Variants in PUM2 observed in about 807,000 individuals in gnomAD.
The protein encoded by PUM2 is pumilio homolog 2.
PUM2 carries 57 observed loss-of-function variants against 124.5 expected under a neutral mutation model. That is an observed-to-expected ratio of 0.46 (90% CI 0.37 to 0.57). The LOEUF (loss-of-function observed/expected upper bound fraction) is 0.57, where lower values mean the gene tolerates loss of function less well. Among genes scored for constraint, PUM2 ranks in the 20% least tolerant of loss-of-function variants. The pLI, the probability that PUM2 is intolerant of heterozygous loss-of-function variation, is 0.00. For missense variants in PUM2, 1,065 were observed against 1,290.6 expected (o/e 0.83, Z 2.68); for synonymous variants, 460 against 446.1 (o/e 1.03, Z -0.39).
chr2:20,348,037 C>G (rs926582358), intron 1 of PUM2, among the ~76,000 whole-genome samples: 6 of 152,026 alleles, frequency 3.9e-5, no homozygotes, highest in Admixed American at 3.3e-4. Context: ...CTAAAAACAG[C>G]AAGGGTCTGG....
intron 3 of PUM2, among the ~76,000 whole-genome samples, chr2:20,317,136 G>A (rs1370165600): frequency 6.6e-6 from 1 of 151,968 alleles, no homozygotes; most frequent in African/African-American, 2.4e-5. Context: ...GCTTGAGACT[G>A]CAGCGAGCTA....
intron 7 of PUM2, among the ~76,000 whole-genome samples, chr2:20,305,650 T>C (rs1346687625): frequency 2.0e-5 from 3 of 152,044 alleles, no homozygotes; most frequent in African/African-American, 7.2e-5. Flanking sequence ...ATAATTATTA[T>C]ATACAAGTCT....
At chr2:20,308,102 A>T in intron 6 of PUM2, 31 bp from the exon 7 acceptor site, 1 of 1,580,730 alleles carries the variant, frequency 6.3e-7, no homozygotes, top group Non-Finnish European at 8.6e-7. Context: ...CACAAAGATT[A>T]GTGTCAAAAT....
rs1271958606 is a variant in PUM2, at chr2:20,250,169, A to T, written c.*1416T>A. On this transcript the variant is annotated 3_prime_UTR_variant, in exon 21 of 21. Coordinates refer to ENST00000361078, the MANE Select transcript of PUM2 (RefSeq NM_015317.5). ...CTATTATGCACAATACCCTGACTTC[A>T]ATTGAAAGTGATCCAAATTCTAGCA... 6.6e-6 allele frequency: 1 copy of T among 152,656 alleles called. No homozygotes were observed. Among genetic ancestry groups the T allele is most frequent in the African/African-American group, 2.4e-5 (1 of 41,468 alleles). The allele number at this position is 152,656 out of a possible 1,614,324, so 9.5% of individuals were successfully genotyped here.
intron 4 of PUM2, among the ~76,000 whole-genome samples, chr2:20,311,959 C>T (rs1679705550): frequency 1.3e-5 from 2 of 152,112 alleles, no homozygotes. Context: ...ACTTTCAGAT[C>T]AAGCACTACC....
Position 20,282,938 on chromosome 2 carries a change from C to CA in PUM2, c.1720+8dup. On this transcript the variant is annotated intron_variant, in intron 12 of 20. Transcript: ENST00000361078. ...TAGCAGAGTACACTCATCGTAAAAA[C>CA]AAACTTACCTGATGAACCAAATCCA... 6.2e-7 allele frequency: 1 copy of CA among 1,611,276 alleles called. No homozygotes were observed. Among genetic ancestry groups the CA allele is most frequent in the Non-Finnish European group, 8.5e-7 (1 of 1,178,892 alleles).
intron 1 of PUM2, among the ~76,000 whole-genome samples, chr2:20,339,164 G>C (rs896086628): frequency 6.6e-6 from 1 of 151,272 alleles, no homozygotes; most frequent in African/African-American, 2.4e-5. Context: ...AGCAAGACTA[G>C]ATTTTTCCTA....
In PUM2 at chr2:20,297,696, A is replaced by G; in HGVS notation, c.884-18T>C. ...TACACCAGCTATATTTTAAAAGGGG[A>G]GAAATAATAAACAACAATGTAAAGT... On this transcript the variant is annotated intron_variant, in intron 7 of 20. Coordinates refer to ENST00000361078, the MANE Select transcript of PUM2 (RefSeq NM_015317.5). The G allele has an allele frequency of 6.2e-7, 1 of 1,602,536 alleles. No homozygotes were observed. The highest frequency in any genetic ancestry group is 8.5e-7 in the Non-Finnish European group (1 of 1,173,862).
intron 7 of PUM2, 66 bp downstream of exon 7, chr2:20,307,912 G>A: frequency 2.6e-6 from 4 of 1,555,152 alleles, no homozygotes; most frequent in Middle Eastern, 1.7e-4. Context: ...ATCAGTAAAC[G>A]AAAAGTGAAA....
At chr2:20,351,163 T>G (rs1417750105), upstream of PUM2, among the ~76,000 whole-genome samples, 1 of 152,092 alleles carries the variant, frequency 6.6e-6, no homozygotes, top group Non-Finnish European at 1.5e-5. Flanking sequence ...GCCTTCTGAA[T>G]CTTCTTACCC....
chr2:20,284,904 G>A (rs1027354604), intron 10 of PUM2, among the ~76,000 whole-genome samples: 1 of 152,166 alleles, frequency 6.6e-6, no homozygotes, highest in African/African-American at 2.4e-5. Context: ...TTAGCACGCT[G>A]CTAATAAAAT....
chr2:20,326,304 CT>C, intron 2 of PUM2: 4 of 1,303,926 alleles, frequency 3.1e-6, no homozygotes, highest in Non-Finnish European at 4.0e-6. Context: ...TTGGAAAACG[CT>C]GTTCTGAAGA....
chr2:20,337,020 A>G lies in PUM2; in HGVS notation c.-18-9642T>C, dbSNP rs549701351. On this transcript the variant is annotated intron_variant, in intron 1 of 20. Coordinates refer to ENST00000361078, the MANE Select transcript of PUM2 (RefSeq NM_015317.5). ...TCATAATGTAATATGAAACAGTACC[A>G]CCACATATGAAGAACTGCCTTCAAA... Among the ~76,000 whole-genome samples the G allele has an allele frequency of 1.4e-4, 22 of 152,230 alleles. 3 individuals are homozygous for G. Among genetic ancestry groups the G allele is most frequent in the African/African-American group, 5.3e-4 (22 of 41,556 alleles).
intron 13 of PUM2, among the ~76,000 whole-genome samples, chr2:20,276,000 G>A (rs181579020): frequency 1.5e-4 from 23 of 151,988 alleles, no homozygotes; most frequent in Admixed American, 3.9e-4. Flanking sequence ...ATGATATACT[G>A]TAGTTATTGT....
At chr2:20,282,311 T>C (rs1355350552) in intron 12 of PUM2, among the ~76,000 whole-genome samples, 1 of 152,174 alleles carries the variant, frequency 6.6e-6, no homozygotes, top group African/African-American at 2.4e-5. Context: ...AAATTTTGAT[T>C]TGTTAAGTGT....
At chr2:20,288,062 G>C (rs1204864115) in intron 10 of PUM2, among the ~76,000 whole-genome samples, 1 of 152,162 alleles carries the variant, frequency 6.6e-6, no homozygotes, top group Admixed American at 6.5e-5. Flanking sequence ...ACTCTCCTGA[G>C]GAATAAGTCT....
intron 2 of PUM2, among the ~76,000 whole-genome samples, chr2:20,321,126 C>T (rs1272461466): frequency 6.6e-6 from 1 of 152,082 alleles, no homozygotes; most frequent in East Asian, 1.9e-4. Context: ...CCGGGAGTGC[C>T]TTCAAAATGC....
intron 1 of PUM2, among the ~76,000 whole-genome samples, chr2:20,341,815 C>T (rs997146502): frequency 3.3e-5 from 5 of 151,966 alleles, no homozygotes; most frequent in Non-Finnish European, 7.4e-5. Context: ...AATACCTCAC[C>T]AAGGAAAAAC....
intron 7 of PUM2, among the ~76,000 whole-genome samples, chr2:20,298,714 C>CA (rs923522178): frequency 1.4e-4 from 21 of 151,964 alleles, no homozygotes; most frequent in Non-Finnish European, 2.2e-4. Context: ...GCTAAAAATA[C>CA]AAAAAAATTA....
Sources: allele counts gnomAD v4.1 joint callset (sites outside exome capture counted in the v4.1 genomes callset), GRCh38; gene constraint gnomAD v4.1.1; transcripts MANE v1.5; gene names NCBI Gene and HGNC (gene_info 2026-07-23, HGNC 2026-07-21).